Variants in FAT3 observed in about 807,000 individuals in gnomAD.
FAT3 encodes FAT atypical cadherin 3, also known as protocadherin Fat 3.
FAT3 carries 95 observed loss-of-function variants against 310.2 expected under a neutral mutation model. The ratio of observed to expected loss-of-function variants is 0.31; its 90% CI spans 0.26 to 0.36. The LOEUF (loss-of-function observed/expected upper bound fraction) is 0.36, where lower values mean the gene tolerates loss of function less well. Ranked by LOEUF, FAT3 falls within the 10% of genes least tolerant of loss-of-function variation. The pLI, the probability that FAT3 is intolerant of heterozygous loss-of-function variation, is 1.00. For missense variants in FAT3, 5,408 were observed against 5,715.6 expected (o/e 0.95, Z 1.74); for synonymous variants, 2,314 against 2,192.9 (o/e 1.06, Z -1.54).
chr11:92,537,758 G>T (rs954390057), intron 3 of FAT3, among the ~76,000 whole-genome samples: 31 of 152,026 alleles, frequency 2.0e-4, no homozygotes, highest in African/African-American at 6.8e-4. Context: ...ACGTAATTTT[G>T]CTGTCAACGT....
chr11:92,347,048 T>TA (rs1271253673), intron 1 of FAT3, among the ~76,000 whole-genome samples: 2 of 152,224 alleles, frequency 1.3e-5, no homozygotes, highest in African/African-American at 2.4e-5. Context: ...TCCTATTCGG[T>TA]AGGCATTATT....
At chr11:92,419,323 A>T (rs1160785643) in intron 2 of FAT3, among the ~76,000 whole-genome samples, 1 of 152,162 alleles carries the variant, frequency 6.6e-6, no homozygotes, top group East Asian at 1.9e-4. Flanking sequence ...GCATTCTTAA[A>T]TGTGGTTTAA....
At chr11:92,705,268 C>T (rs1456725129) in intron 4 of FAT3, among the ~76,000 whole-genome samples, 1 of 151,388 alleles carries the variant, frequency 6.6e-6, no homozygotes, top group Non-Finnish European at 1.5e-5. Context: ...CATTGACATT[C>T]CAAGTCTAGC....
Position 92,809,975 on chromosome 11 carries a change from A to AC in FAT3, c.9386dup (p.Val3130CysfsTer5). The AC allele has an allele frequency of 6.2e-7, 1 of 1,613,588 alleles. No homozygotes were observed. Among genetic ancestry groups the AC allele is most frequent in the Non-Finnish European group, 8.5e-7 (1 of 1,179,756 alleles). On this transcript the variant is annotated frameshift_variant, in exon 13 of 28. Transcript: ENST00000525166. LOFTEE classifies it high-confidence loss of function. The stretch of plus-strand genomic sequence containing the variant: ...CTAATCCTGGAGGATGTGAATGATA[A>AC]CCCCCCTGTGTTTTCTTCTGACCAC...
chr11:92,681,673 G>A (rs974004744), intron 3 of FAT3, among the ~76,000 whole-genome samples: 6 of 152,218 alleles, frequency 3.9e-5, no homozygotes, highest in Admixed American at 3.9e-4. Flanking sequence ...TGAAGGTGCT[G>A]CAGAGCTCTT....
intron 6 of FAT3, 136 bp from the exon 7 acceptor site, chr11:92,773,905 A>T: frequency 1.3e-6 from 1 of 767,234 alleles, no homozygotes. Flanking sequence ...GGTCCCATTT[A>T]AGATGTACAA....
At chr11:92,466,601 C>CT (rs2135130852) in intron 2 of FAT3, among the ~76,000 whole-genome samples, 1 of 150,560 alleles carries the variant, frequency 6.6e-6, no homozygotes, top group Admixed American at 6.6e-5. Context: ...TATTATTATA[C>CT]TTTAAGTTTT....
At chr11:92,461,371 A>G (rs1002162541) in intron 2 of FAT3, among the ~76,000 whole-genome samples, 3 of 152,196 alleles carry the variant, frequency 2.0e-5, no homozygotes, top group South Asian at 2.1e-4. Context: ...GGAAGTAATG[A>G]TAGACAAAAT....
intron 3 of FAT3, among the ~76,000 whole-genome samples, chr11:92,661,481 G>A (rs962420254): frequency 1.3e-5 from 2 of 152,036 alleles, no homozygotes; most frequent in African/African-American, 4.8e-5. Flanking sequence ...CTCTGAGGAC[G>A]CCCTAGCATC....
intron 3 of FAT3, among the ~76,000 whole-genome samples, chr11:92,560,756 A>G (rs1031983633): frequency 3.3e-5 from 5 of 152,226 alleles, no homozygotes; most frequent in African/African-American, 9.6e-5. Context: ...ATTTTTGTTC[A>G]CTGTAGGTGC....
chr11:92,234,322 A>G (rs1864320825), intron 1 of FAT3, among the ~76,000 whole-genome samples: 1 of 152,220 alleles, frequency 6.6e-6, no homozygotes, highest in African/African-American at 2.4e-5. Context: ...TCAAATATAT[A>G]ATAAAATGAA....
At chr11:92,766,386 A>G (rs894447951) in intron 6 of FAT3, among the ~76,000 whole-genome samples, 6 of 152,178 alleles carry the variant, frequency 3.9e-5, no homozygotes, top group African/African-American at 1.4e-4. Flanking sequence ...TTCCTTCCCC[A>G]TGGCACTGCC....
At chr11:92,393,299 G>A (rs1949790569) in intron 2 of FAT3, among the ~76,000 whole-genome samples, 1 of 151,480 alleles carries the variant, frequency 6.6e-6, no homozygotes, top group Non-Finnish European at 1.5e-5. Context: ...CTGGGGAGAG[G>A]TTCTGTTTTG....
intron 3 of FAT3, among the ~76,000 whole-genome samples, chr11:92,561,973 T>G (rs564560202): frequency 3.6e-4 from 55 of 152,284 alleles, no homozygotes; most frequent in African/African-American, 1.3e-3. Flanking sequence ...CTCCTGCTCA[T>G]GAAGTAGGAG....
intron 1 of FAT3, among the ~76,000 whole-genome samples, chr11:92,239,734 T>C (rs928235736): frequency 3.9e-5 from 6 of 152,128 alleles, no homozygotes; most frequent in African/African-American, 1.4e-4. Flanking sequence ...TGATTTTGGC[T>C]TCTCAGCTGA....
rs139944794 is a variant in FAT3, at chr11:92,723,672, G to A, written c.3669+26227G>A. ...AGGTTTATTGGACTTACAGTTTCAC[G>A]TGGCTGGGGAGGCCTATCTATCATG... On this transcript the variant is annotated intron_variant, in intron 4 of 27. Coordinates refer to ENST00000525166, the MANE Select transcript of FAT3 (RefSeq NM_001367949.2). 7.4e-3 allele frequency among the ~76,000 whole-genome samples: 1,133 copies of A among 152,272 alleles called. 12 individuals carry two copies. Among genetic ancestry groups the A allele is most frequent in the African/African-American group, 0.026 (1,071 of 41,548 alleles).
At chr11:92,496,110 G>T (rs550680183) in intron 2 of FAT3, among the ~76,000 whole-genome samples, 1 of 151,942 alleles carries the variant, frequency 6.6e-6, no homozygotes, top group Admixed American at 6.6e-5. Flanking sequence ...TTCAGTTAGG[G>T]TCACTTGGCC....
chr11:92,797,837 G>T lies in FAT3; in HGVS notation c.4824G>T (p.Gly1608=). The T allele has an allele frequency of 6.2e-7, 1 of 1,605,064 alleles. No individual in the cohort carries two copies. Among genetic ancestry groups the T allele is most frequent in the Non-Finnish European group, 8.5e-7 (1 of 1,173,512 alleles). ...NAELIYTIEA[G]NTGNMFKIEP... ...TCACCATTGATTTCTGTATTTTAGGGAACACTGGGAACATGTTTAAGATCG... is the reference window on the plus strand; with the variant it reads ...TCACCATTGATTTCTGTATTTTAGGTAACACTGGGAACATGTTTAAGATCG... The change falls in exon 10 of 28, where the codon GGG becomes GGT. Residue 1608 remains glycine, a splice_region_variant and synonymous_variant. Transcript: ENST00000525166.
chr11:92,759,621 G>A (rs569682104), intron 4 of FAT3, among the ~76,000 whole-genome samples: 1 of 152,250 alleles, frequency 6.6e-6, no homozygotes, highest in African/African-American at 2.4e-5. Context: ...CTGGGTGCTT[G>A]CAGTAACATG....
Sources: gnomAD v4.1 joint callset for allele counts (sites outside exome capture counted in the v4.1 genomes callset) on GRCh38, gnomAD v4.1.1 for gene constraint, MANE v1.5 for transcripts, NCBI Gene and HGNC (gene_info 2026-07-23, HGNC 2026-07-21) for gene names.